The following PPIG variants were observed in gnomAD, a reference collection of about 807,000 sequenced individuals.
PPIG encodes peptidylprolyl isomerase G.
Under a neutral mutation model 87.9 loss-of-function variants are expected in PPIG, and 26 were observed. The observed-to-expected ratio is 0.30, with a 90% confidence interval of 0.22 to 0.41. PPIG has a LOEUF of 0.41. Among genes scored for constraint, PPIG ranks in the 10% least tolerant of loss-of-function variants. The pLI is 1.00. For missense variants in PPIG, 722 were observed against 879.4 expected (o/e 0.82, Z 2.26); for synonymous variants, 308 against 276.5 (o/e 1.11, Z -1.13).
chr2:169,604,327 G>GTTTTTTT (rs71006008), intron 4 of PPIG, 66 bp downstream of exon 4: 40 of 347,432 alleles, frequency 1.2e-4, no homozygotes, highest in African/African-American at 4.3e-4. Flanking sequence ...TGCTTGCTTG[G>GTTTTTTT]TTTTTTTTTT....
At position 169,624,208 on chromosome 2, in the gene PPIG, C is replaced by T. The variant is rs1019410723; in HGVS notation, c.548-6566C>T. Among the ~76,000 whole-genome samples the T allele has an allele frequency of 7.9e-5, 12 of 152,280 alleles. No homozygotes were observed. In the South Asian group the frequency reaches 8.3e-4, roughly 11 times the overall value. On this transcript the variant is annotated intron_variant, in intron 9 of 13. Transcript: ENST00000260970. ...TCTCAAATTCCTGGTTCAAGCGATCCTTCTAACTTGACCTACCAAAGTGCT... is the reference window on the plus strand; with the variant it reads ...TCTCAAATTCCTGGTTCAAGCGATCTTTCTAACTTGACCTACCAAAGTGCT...
At chr2:169,627,725 T>TTTTTTTTTTTTA (rs1491338209) in intron 9 of PPIG, among the ~76,000 whole-genome samples, 1 of 142,942 alleles carries the variant, frequency 7.0e-6, no homozygotes. Context: ...TTTTTTTTTT[T>TTTTTTTTTTTTA]AATTTCAAAC....
chr2:169,629,960 G>T (rs895523143), intron 9 of PPIG, among the ~76,000 whole-genome samples: 2 of 152,018 alleles, frequency 1.3e-5, no homozygotes, highest in African/African-American at 4.8e-5. Flanking sequence ...TAGTTCTCAT[G>T]TATATATCAA....
chr2:169,590,243 T>C (rs1387479607), intron 1 of PPIG, among the ~76,000 whole-genome samples: 1 of 152,268 alleles, frequency 6.6e-6, no homozygotes, highest in African/African-American at 2.4e-5. Flanking sequence ...ACATTCTTTT[T>C]ATTTGATAAC....
chr2:169,597,853 T>A (rs983270983), intron 1 of PPIG, among the ~76,000 whole-genome samples: 2 of 82,554 alleles, frequency 2.4e-5, no homozygotes, highest in African/African-American at 8.7e-5. Flanking sequence ...TTCTGTACCT[T>A]GCTTGTTTGT....
intron 9 of PPIG, among the ~76,000 whole-genome samples, chr2:169,627,086 T>C (rs779298700): frequency 6.6e-6 from 1 of 152,084 alleles, no homozygotes; most frequent in African/African-American, 2.4e-5. Context: ...TATAAATCTC[T>C]TTCTGGCCTT....
intron 1 of PPIG, among the ~76,000 whole-genome samples, chr2:169,600,891 G>A (rs1472860510): frequency 6.6e-6 from 1 of 151,848 alleles, no homozygotes; most frequent in Non-Finnish European, 1.5e-5. Context: ...ATTTTAAGTT[G>A]AAAAACTAAT....
Position 169,607,881 on chromosome 2 carries a change from G to A in PPIG, c.289+733G>A, listed in dbSNP as rs1290413524. On this transcript the variant is annotated intron_variant, in intron 6 of 13. Coordinates refer to ENST00000260970, the MANE Select transcript of PPIG (RefSeq NM_004792.3). ...GTCTCACTCTTTTTTTTAAGAGATG[G>A]GATCTCACTGTGTTGCCCGGGCTGG... Among the ~76,000 whole-genome samples the A allele has an allele frequency of 2.6e-5, 4 of 151,974 alleles. No individual in the cohort carries two copies. The South Asian group carries it at 6.2e-4, about 24-fold the overall frequency.
chr2:169,612,491 C>T (rs1446043342), intron 7 of PPIG, among the ~76,000 whole-genome samples: 1 of 149,820 alleles, frequency 6.7e-6, no homozygotes, highest in African/African-American at 2.5e-5. Context: ...TCACGCCATT[C>T]TCCTGCCTCA....
intron 6 of PPIG, 41 bp from the exon 7 acceptor site, chr2:169,608,630 G>C: frequency 7.2e-7 from 1 of 1,397,128 alleles, no homozygotes. Flanking sequence ...TTTTTTGGAG[G>C]TTATATCTAT....
chr2:169,588,890 C>T (rs990898220), intron 1 of PPIG, among the ~76,000 whole-genome samples: 9 of 131,366 alleles, frequency 6.9e-5, no homozygotes, highest in African/African-American at 1.4e-4. Context: ...ACCCAGGAGG[C>T]GGAGGTTGCA....
At chr2:169,619,728 C>T (rs1685693082) in intron 9 of PPIG, among the ~76,000 whole-genome samples, 1 of 151,878 alleles carries the variant, frequency 6.6e-6, no homozygotes, top group Non-Finnish European at 1.5e-5. Flanking sequence ...GTGTCCTTTT[C>T]TTCACATCCT....
intron 9 of PPIG, among the ~76,000 whole-genome samples, chr2:169,621,927 C>T (rs1463758367): frequency 9.8e-6 from 1 of 102,168 alleles, no homozygotes; most frequent in African/African-American, 4.4e-5. Context: ...CTCTTCCCTA[C>T]CAAAAAAAAA....
At chr2:169,603,988 T>G in intron 2 of PPIG, 38 bp from the exon 3 acceptor site, 1 of 1,511,070 alleles carries the variant, frequency 6.6e-7, no homozygotes, top group Non-Finnish European at 9.1e-7. Context: ...ATCTTTGCTA[T>G]TTTAGTCTGC....
At chr2:169,594,324 CAA>C (rs375893335) in intron 1 of PPIG, among the ~76,000 whole-genome samples, 1 of 140,458 alleles carries the variant, frequency 7.1e-6, no homozygotes. Flanking sequence ...TGTTGATAGG[CAA>C]AAAAAAAAAA....
intron 1 of PPIG, among the ~76,000 whole-genome samples, chr2:169,594,207 T>C (rs1684951627): frequency 6.6e-6 from 1 of 152,074 alleles, no homozygotes; most frequent in South Asian, 2.1e-4. Context: ...TATGAATTTC[T>C]CATATTCTTA....
intron 1 of PPIG, among the ~76,000 whole-genome samples, chr2:169,594,968 G>T (rs1209676457): frequency 2.0e-5 from 3 of 150,084 alleles, no homozygotes; most frequent in Non-Finnish European, 4.4e-5. Context: ...TCACTCTGTT[G>T]CCCAAGCTGG....
chr2:169,590,235 A>G (rs1684825021), intron 1 of PPIG, among the ~76,000 whole-genome samples: 1 of 152,214 alleles, frequency 6.6e-6, no homozygotes, highest in South Asian at 2.1e-4. Context: ...CTCAATTAAC[A>G]TTCTTTTTAT....
At chr2:169,600,232 G>A (rs576061094) in intron 1 of PPIG, among the ~76,000 whole-genome samples, 74 of 151,968 alleles carry the variant, frequency 4.9e-4, no homozygotes, top group Middle Eastern at 6.8e-3. Context: ...GTGCCACCAT[G>A]CCTGTCTAAT....
Sources: allele counts gnomAD v4.1 joint callset (sites outside exome capture counted in the v4.1 genomes callset), GRCh38; gene constraint gnomAD v4.1.1; transcripts MANE v1.5; gene names NCBI Gene and HGNC (gene_info 2026-07-23, HGNC 2026-07-21).